Variants in SH3RF2 observed in about 807,000 individuals in gnomAD.
The protein encoded by SH3RF2 is E3 ubiquitin-protein ligase SH3RF2.
Under a neutral mutation model 59.0 loss-of-function variants are expected in SH3RF2, and 43 were observed. The ratio of observed to expected loss-of-function variants is 0.73; its 90% CI spans 0.57 to 0.94. The LOEUF (loss-of-function observed/expected upper bound fraction) is 0.94, where lower values mean the gene tolerates loss of function less well. Ranked by LOEUF, SH3RF2 falls within the 40% of genes least tolerant of loss-of-function variation. The pLI is 0.00. For missense variants in SH3RF2, 930 were observed against 940.1 expected, an observed-to-expected ratio of 0.99 and a Z score of 0.14; for synonymous variants, 391 against 391.5, an observed-to-expected ratio of 1.00 and a Z score of 0.01.
intron 2 of SH3RF2, among the ~76,000 whole-genome samples, chr5:145,954,627 C>T (rs746785715): frequency 1.3e-5 from 2 of 152,010 alleles, no homozygotes; most frequent in Non-Finnish European, 2.9e-5. Context: ...AATCTTTGCC[C>T]GTTCCTATGT....
At chr5:146,047,604 C>T (rs986206621) in intron 5 of SH3RF2, among the ~76,000 whole-genome samples, 168 bp from the exon 6 acceptor site, 1 of 152,128 alleles carries the variant, frequency 6.6e-6, no homozygotes, top group African/African-American at 2.4e-5. Flanking sequence ...CTCCCCACCT[C>T]CCTGTGCCCA....
rs184305956 is a variant in SH3RF2, at chr5:145,938,841, T to C, written c.378+535T>C. Reference sequence around the variant, plus strand: ...TCAAGATACTTGACGCGGGAGATAGTGCAGGAGGGAAGCATCTATGTGGGT... The same window carrying C: ...TCAAGATACTTGACGCGGGAGATAGCGCAGGAGGGAAGCATCTATGTGGGT... On this transcript the variant is annotated intron_variant, in intron 2 of 9. Transcript: ENST00000359120. Among the ~76,000 whole-genome samples, 224 of 152,354 alleles carry C rather than the reference T, an allele frequency of 1.5e-3. 1 individual carries two copies. Among genetic ancestry groups the C allele is most frequent in the African/African-American group, 5.3e-3 (219 of 41,572 alleles).
intron 2 of SH3RF2, among the ~76,000 whole-genome samples, chr5:145,996,049 C>G (rs1201520982): frequency 6.6e-6 from 1 of 152,156 alleles, no homozygotes; most frequent in Admixed American, 6.6e-5. Flanking sequence ...GAGCTGTGTT[C>G]CTGTGGTTTT....
intron 2 of SH3RF2, among the ~76,000 whole-genome samples, chr5:145,990,468 GC>G (rs1376046506): frequency 1.3e-5 from 2 of 152,140 alleles, no homozygotes; most frequent in Admixed American, 6.5e-5. Context: ...GGCTAGCCTG[GC>G]CCACGTACCC....
At chr5:146,032,688 T>C (rs1761783725) in intron 5 of SH3RF2, among the ~76,000 whole-genome samples, 1 of 152,152 alleles carries the variant, frequency 6.6e-6, no homozygotes, top group Non-Finnish European at 1.5e-5. Context: ...CAGCCTGACA[T>C]CCTACTGCCT....
At chr5:146,066,489 TG>T (rs1249659366), downstream of SH3RF2, among the ~76,000 whole-genome samples, 1 of 152,172 alleles carries the variant, frequency 6.6e-6, no homozygotes, top group Non-Finnish European at 1.5e-5. Flanking sequence ...AATTTTAGAC[TG>T]GGATGTTTTT....
chr5:146,015,952 G>T (rs962136407), intron 5 of SH3RF2, among the ~76,000 whole-genome samples: 2 of 152,146 alleles, frequency 1.3e-5, no homozygotes, highest in African/African-American at 4.8e-5. Flanking sequence ...GCAGAAAGTT[G>T]AACAAATGGC....
At chr5:145,981,796 C>T (rs1420082729) in intron 2 of SH3RF2, among the ~76,000 whole-genome samples, 1 of 152,294 alleles carries the variant, frequency 6.6e-6, no homozygotes, top group East Asian at 1.9e-4. Flanking sequence ...GTTCAATAAC[C>T]ACAGATGGGC....
intron 9 of SH3RF2, among the ~76,000 whole-genome samples, chr5:146,062,195 AT>A (rs1762920436): frequency 6.6e-6 from 1 of 152,074 alleles, no homozygotes; most frequent in African/African-American, 2.4e-5. Context: ...GTGGTTCTCA[AT>A]TTAAAGCTTC....
At chr5:146,047,381 G>T (rs1409163980) in intron 5 of SH3RF2, among the ~76,000 whole-genome samples, 2 of 152,112 alleles carry the variant, frequency 1.3e-5, no homozygotes, top group Non-Finnish European at 2.9e-5. Context: ...CCTAGTAATT[G>T]CTCAGTTCTG....
chr5:146,066,862 C>T (rs1763119379), downstream of SH3RF2, among the ~76,000 whole-genome samples: 2 of 152,178 alleles, frequency 1.3e-5, no homozygotes, highest in African/African-American at 4.8e-5. Context: ...AAGGTTCAGA[C>T]AGTACCTAGG....
downstream of SH3RF2, among the ~76,000 whole-genome samples, chr5:146,067,898 A>G (rs191955998): frequency 2.0e-5 from 3 of 152,244 alleles, no homozygotes; most frequent in East Asian, 3.9e-4. Flanking sequence ...CTCCATTCCA[A>G]TTGGCCGGTG....
chr5:146,058,844 T>C (rs2150021384), intron 8 of SH3RF2, among the ~76,000 whole-genome samples: 1 of 149,302 alleles, frequency 6.7e-6, no homozygotes, highest in Non-Finnish European at 1.5e-5. Flanking sequence ...AGAAATGACC[T>C]TTTCCTGAGA....
At chr5:146,071,514 G>A (rs573687743) in intron 9 of SH3RF2, among the ~76,000 whole-genome samples, 9 of 152,262 alleles carry the variant, frequency 5.9e-5, no homozygotes, top group East Asian at 1.9e-4. Context: ...TTTTTTAAGC[G>A]TAAGTTGTTT....
rs747780233 is a variant in SH3RF2 at position 146,004,093 on chromosome 5, G to A, written c.684G>A (p.Glu228=). Reference sequence around the variant, plus strand: ...TCACTGTGATCAGCCGAGTGGATGAGAACTGGGCAGAAGGCAAGTTAGGAG... The same window carrying A: ...TCACTGTGATCAGCCGAGTGGATGAAAACTGGGCAGAAGGCAAGTTAGGAG... ...DIITVISRVD[E]NWAEGKLGDK... Residue 228 remains glutamate (E), a synonymous_variant, in exon 4 of 10, where the codon GAG becomes GAA. Coordinates refer to ENST00000359120, the MANE Select transcript of SH3RF2 (RefSeq NM_152550.4). The A allele has an allele frequency of 6.2e-7, 1 of 1,613,086 alleles. No individual in the cohort carries two copies. Among genetic ancestry groups the A allele is most frequent in the East Asian group, 2.2e-5 (1 of 44,864 alleles).
chr5:145,968,391 T>C (rs532930086), intron 2 of SH3RF2, among the ~76,000 whole-genome samples: 6 of 152,266 alleles, frequency 3.9e-5, no homozygotes, highest in African/African-American at 1.4e-4. Flanking sequence ...CTCTAAATAT[T>C]CTAATAAAAT....
Position 146,013,864 on chromosome 5 carries a change from G to C in SH3RF2, c.862G>C (p.Gly288Arg), listed in dbSNP as rs763623594. The C allele has an allele frequency of 1.9e-6, 3 of 1,613,962 alleles. No homozygotes were observed. The East Asian group carries it at 6.7e-5, about 36-fold the overall frequency. Residue 288 changes from glycine (G) to arginine (R), a missense_variant, in exon 5 of 10, where the codon GGC becomes CGC. By Grantham distance (125) the Gly-to-Arg change is moderately radical. Transcript: ENST00000359120. Reference protein sequence around the residue: ...SRGNTSTLRRGPGSRRKVPGQ... With the variant: ...SRGNTSTLRRRPGSRRKVPGQ... ...AGGCAACACGTCTACCCTCCGTAGG[G>C]GCCCAGGGTCCAGGAGGAAGGTGCC...
At chr5:145,968,815 A>G (rs543418567) in intron 2 of SH3RF2, among the ~76,000 whole-genome samples, 12 of 152,334 alleles carry the variant, frequency 7.9e-5, no homozygotes, top group African/African-American at 2.6e-4. Context: ...AGTGACTACC[A>G]TATTGGACAG....
At chr5:146,036,681 C>T (rs1434383844) in intron 5 of SH3RF2, among the ~76,000 whole-genome samples, 3 of 152,000 alleles carry the variant, frequency 2.0e-5, no homozygotes, top group Admixed American at 1.3e-4. Flanking sequence ...GGTGACAGAG[C>T]GAAACTCTAT....
Sources: allele counts gnomAD v4.1 joint callset (sites outside exome capture counted in the v4.1 genomes callset), GRCh38; gene constraint gnomAD v4.1.1; transcripts MANE v1.5; gene names NCBI Gene and HGNC (gene_info 2026-07-23, HGNC 2026-07-21).